Variants in NRG1 observed in about 807,000 individuals in gnomAD.
The protein encoded by NRG1 is neuregulin 1.
NRG1 carries 18 observed loss-of-function variants against 63.8 expected under a neutral mutation model. That is an observed-to-expected ratio of 0.28 (90% confidence interval 0.19 to 0.42). The LOEUF is 0.42. Among genes scored for constraint, NRG1 ranks in the 10% least tolerant of loss-of-function variants. NRG1 has a pLI of 1.00. For synonymous variants in NRG1, 302 were observed against 301.3 expected (o/e 1.00, Z -0.02); for missense variants, 762 against 814.7 (o/e 0.94, Z 0.79).
At chr8:32,534,056 CATG>C (rs1831720423) in intron 1 of NRG1, among the ~76,000 whole-genome samples, 1 of 152,064 alleles carries the variant, frequency 6.6e-6, no homozygotes. Flanking sequence ...ATGTCATACT[CATG>C]AGTACAGAAA....
At chr8:32,366,709 A>ATATC (rs1808101347) in intron 1 of NRG1, among the ~76,000 whole-genome samples, 1 of 73,804 alleles carries the variant, frequency 1.4e-5, no homozygotes, top group Non-Finnish European at 3.0e-5. Context: ...ATATATATAT[A>ATATC]TATATCTCAC....
intron 1 of NRG1, among the ~76,000 whole-genome samples, chr8:32,163,709 G>T (rs1264098756): frequency 6.6e-6 from 1 of 152,060 alleles, no homozygotes; most frequent in African/African-American, 2.4e-5. Flanking sequence ...TAATTTACTC[G>T]CTCTGCCCAG....
At chr8:32,658,035 C>G (rs1321931335) in intron 5 of NRG1, among the ~76,000 whole-genome samples, 1 of 152,166 alleles carries the variant, frequency 6.6e-6, no homozygotes, top group Admixed American at 6.5e-5. Context: ...CTTCCTACTT[C>G]CACGATAACA....
chr8:32,149,396 G>A (rs576770600), intron 1 of NRG1, among the ~76,000 whole-genome samples: 17 of 152,140 alleles, frequency 1.1e-4, no homozygotes, highest in African/African-American at 3.6e-4. Flanking sequence ...CATGTCTTCC[G>A]GTCTGGAATA....
At chr8:32,019,266 T>C (rs1816063295) in intron 1 of NRG1, among the ~76,000 whole-genome samples, 1 of 152,116 alleles carries the variant, frequency 6.6e-6, no homozygotes, top group African/African-American at 2.4e-5. Context: ...GCCCGGCTAA[T>C]TTTTTGTATT....
At chr8:32,209,115 T>C (rs1844390714) in intron 1 of NRG1, among the ~76,000 whole-genome samples, 1 of 152,136 alleles carries the variant, frequency 6.6e-6, no homozygotes. Flanking sequence ...ATCTGAAATA[T>C]AAGGATAATA....
intron 1 of NRG1, among the ~76,000 whole-genome samples, chr8:32,593,958 A>C (rs1470106290): frequency 6.6e-6 from 1 of 152,016 alleles, no homozygotes. Flanking sequence ...TGTGTCAACT[A>C]CATTAAATGG....
intron 1 of NRG1, among the ~76,000 whole-genome samples, chr8:32,076,133 A>C (rs1168627473): frequency 6.6e-6 from 1 of 152,064 alleles, no homozygotes; most frequent in African/African-American, 2.4e-5. Flanking sequence ...GTACTTCTTT[A>C]CAGAGTTAGA....
At chr8:31,726,574 C>T (rs1223896768) in intron 1 of NRG1, among the ~76,000 whole-genome samples, 1 of 152,046 alleles carries the variant, frequency 6.6e-6, no homozygotes, top group Non-Finnish European at 1.5e-5. Context: ...TTTTGCAATA[C>T]AGAATTTGAG....
chr8:31,917,174 T>C (rs1368045026), intron 1 of NRG1, among the ~76,000 whole-genome samples: 1 of 87,010 alleles, frequency 1.1e-5, no homozygotes, highest in Non-Finnish European at 2.3e-5. Context: ...ACTCTGACGG[T>C]AGTTTCTTTT....
In NRG1 at chr8:32,387,035, C is replaced by G. The variant is rs145218155; in HGVS notation, c.38-208793C>G. Among the ~76,000 whole-genome samples, 108 of 152,216 alleles carry G rather than the reference C, an allele frequency of 7.1e-4. 1 individual carries two copies. The highest frequency in any genetic ancestry group is 2.6e-3 in the African/African-American group (106 of 41,526). On this transcript the variant is annotated intron_variant, in intron 1 of 10. Coordinates refer to the NRG1 transcript ENST00000519301. The stretch of plus-strand genomic sequence containing the variant: ...GGAATATGGCCTGAACAGTTGTGTG[C>G]TCTATCAGGAGAGATTCACTAAAAG...
At chr8:31,804,148 A>T (rs1457277015) in intron 1 of NRG1, among the ~76,000 whole-genome samples, 7 of 152,210 alleles carry the variant, frequency 4.6e-5, no homozygotes, top group Non-Finnish European at 8.8e-5. Context: ...CATTAACAAT[A>T]TCTCGAGTAA....
intron 5 of NRG1, among the ~76,000 whole-genome samples, chr8:32,707,592 A>G (rs1563995554): frequency 6.6e-6 from 1 of 152,094 alleles, no homozygotes; most frequent in Non-Finnish European, 1.5e-5. Flanking sequence ...CAATGTTACA[A>G]TAAGTCAACT....
chr8:32,406,658 A>G (rs544630451), intron 1 of NRG1, among the ~76,000 whole-genome samples: 2 of 152,194 alleles, frequency 1.3e-5, no homozygotes, highest in East Asian at 1.9e-4. Flanking sequence ...CTCCTACCCA[A>G]AGTTTATTCA....
At chr8:32,606,974 C>T (rs756514962) in intron 3 of NRG1, among the ~76,000 whole-genome samples, 145 of 152,220 alleles carry the variant, frequency 9.5e-4, no homozygotes, top group Non-Finnish European at 9.6e-4. Flanking sequence ...ATGCCTCATC[C>T]TCTCTGGACT....
chr8:31,863,433 A>G (rs2129610671), intron 1 of NRG1, among the ~76,000 whole-genome samples: 1 of 152,276 alleles, frequency 6.6e-6, no homozygotes, highest in Non-Finnish European at 1.5e-5. Flanking sequence ...ATATGTGTCT[A>G]AGAGGCTGCT....
intron 1 of NRG1, among the ~76,000 whole-genome samples, chr8:31,833,549 T>G (rs1036202277): frequency 6.6e-6 from 1 of 152,198 alleles, no homozygotes; most frequent in Non-Finnish European, 1.5e-5. Context: ...CTACAATGCT[T>G]GATTCCTTGG....
In NRG1 at chr8:32,370,031, AAAG is replaced by A. The variant is rs1808597609; in HGVS notation, c.38-225794_38-225792del. Among the ~76,000 whole-genome samples the A allele has an allele frequency of 2.0e-5, 3 of 152,184 alleles. No individual in the cohort carries two copies. The South Asian group carries it at 6.2e-4, about 32-fold the overall frequency. The stretch of plus-strand genomic sequence containing the variant: ...AGACTCCAAAGTGCTGGTTCAGAGA[AAAG>A]AAAAAAAAGGGACATAGGTCAGGAA... On this transcript the variant is annotated intron_variant, in intron 1 of 10. Coordinates refer to the NRG1 transcript ENST00000519301.
intron 1 of NRG1, among the ~76,000 whole-genome samples, chr8:32,501,473 A>G (rs1360384987): frequency 6.6e-6 from 1 of 152,222 alleles, no homozygotes; most frequent in Admixed American, 6.5e-5. Context: ...AAATCCTTTG[A>G]GAGTTTTCCA....
Sources: allele counts gnomAD v4.1 joint callset (sites outside exome capture counted in the v4.1 genomes callset), GRCh38; gene constraint gnomAD v4.1.1; transcripts MANE v1.5; gene names NCBI Gene and HGNC (gene_info 2026-07-23, HGNC 2026-07-21).